AUTS2: variants seen among roughly 807,000 people sequenced by gnomAD.
The protein encoded by AUTS2 is autism susceptibility gene 2 protein.
In AUTS2, 17 loss-of-function variants were observed where a neutral mutation model predicts 112.4. That is an observed-to-expected ratio of 0.15 (90% CI 0.10 to 0.23). The LOEUF (loss-of-function observed/expected upper bound fraction) is 0.23, where lower values mean the gene tolerates loss of function less well. Among genes scored for constraint, AUTS2 ranks in the 10% least tolerant of loss-of-function variants. The pLI is 1.00. For missense variants in AUTS2, 1,510 were observed against 1,701.6 expected (o/e 0.89, Z 1.98); for synonymous variants, 751 against 702.7 (o/e 1.07, Z -1.09).
chr7:70,164,537 A>ATT (rs922569554), intron 4 of AUTS2, among the ~76,000 whole-genome samples: 1 of 152,052 alleles, frequency 6.6e-6, no homozygotes, highest in African/African-American at 2.4e-5. Context: ...GGATTAAAAA[A>ATT]TTTTTTTGAT....
At chr7:70,011,469 T>C (rs1478018251) in intron 2 of AUTS2, among the ~76,000 whole-genome samples, 2 of 152,194 alleles carry the variant, frequency 1.3e-5, no homozygotes, top group Non-Finnish European at 2.9e-5. Context: ...TGTAAGTTAC[T>C]TAGCTGTAAC....
At chr7:70,303,428 G>A (rs1048387392) in intron 4 of AUTS2, among the ~76,000 whole-genome samples, 27 of 112,918 alleles carry the variant, frequency 2.4e-4, no homozygotes, top group African/African-American at 6.5e-4. Context: ...ACACACGCGC[G>A]CGCGCGCACA....
At chr7:70,641,437 A>G (rs1015366694) in intron 5 of AUTS2, among the ~76,000 whole-genome samples, 3 of 152,128 alleles carry the variant, frequency 2.0e-5, no homozygotes, top group Non-Finnish European at 4.4e-5. Flanking sequence ...CTGTAGTCCC[A>G]GCTACTCGGG....
At chr7:70,573,772 CTT>C (rs747441710) in intron 5 of AUTS2, among the ~76,000 whole-genome samples, 13 of 140,132 alleles carry the variant, frequency 9.3e-5, no homozygotes, top group Admixed American at 1.4e-4. Flanking sequence ...GAGCAAAAAG[CTT>C]TTTTTTTTTT....
At chr7:69,925,236 A>G (rs938456195) in intron 2 of AUTS2, among the ~76,000 whole-genome samples, 2 of 151,158 alleles carry the variant, frequency 1.3e-5, no homozygotes, top group African/African-American at 2.4e-5. Context: ...ATTTTCATTG[A>G]TTTTTCTCTG....
chr7:70,448,203 G>A (rs1261822880), intron 5 of AUTS2, among the ~76,000 whole-genome samples: 4 of 152,020 alleles, frequency 2.6e-5, no homozygotes, highest in Non-Finnish European at 4.4e-5. Context: ...CCGCCTCATC[G>A]CTTTCTATTC....
In AUTS2 at chr7:69,604,225, C is replaced by T. The variant is rs1792590864; in HGVS notation, c.309+4263C>T. On this transcript the variant is annotated intron_variant, in intron 1 of 18. Coordinates refer to ENST00000342771, the MANE Select transcript of AUTS2 (RefSeq NM_015570.4). Reference sequence around the variant, plus strand: ...ACATCAGTAGCATAAGTGGGCTATACAGAATTTGGTGTACTTATAACATGC... The same window carrying T: ...ACATCAGTAGCATAAGTGGGCTATATAGAATTTGGTGTACTTATAACATGC... Among the ~76,000 whole-genome samples, 3 of 152,292 alleles carry T rather than the reference C, an allele frequency of 2.0e-5. No homozygotes were observed. The South Asian group carries it at 6.2e-4, about 32-fold the overall frequency.
chr7:69,889,031 A>C (rs545052954), intron 1 of AUTS2, among the ~76,000 whole-genome samples: 22 of 152,190 alleles, frequency 1.4e-4, no homozygotes, highest in Non-Finnish European at 2.4e-4. Flanking sequence ...GAATGAGAGG[A>C]CATTCAGGGC....
At chr7:70,583,233 A>G (rs574376388) in intron 5 of AUTS2, among the ~76,000 whole-genome samples, 2 of 152,344 alleles carry the variant, frequency 1.3e-5, no homozygotes, top group East Asian at 3.9e-4. Context: ...ACGGTAAGAT[A>G]TCCCAGAGAT....
chr7:70,789,902 G>A lies in AUTS2; in HGVS notation c.2686G>A (p.Asp896Asn). 1.2e-6 allele frequency: 2 copies of A among 1,614,110 alleles called. No homozygotes were observed. Among genetic ancestry groups the A allele is most frequent in the Non-Finnish European group, 1.7e-6 (2 of 1,180,040 alleles). The change falls in exon 19 of 19, where the codon GAC becomes AAC. Residue 896 changes from aspartate (D) to asparagine (N), a missense_variant. Physicochemically the swap from Asp to Asn is conservative, Grantham distance 23 (BLOSUM62 1). Coordinates refer to ENST00000342771, the MANE Select transcript of AUTS2 (RefSeq NM_015570.4). ...EKDKPKERER[D>N]HSESRKDLAA... ...GGACAAACCCAAAGAGAGGGAGAGAGACCACTCGGAATCCCGCAAGGACCT... is the reference window on the plus strand; with the variant it reads ...GGACAAACCCAAAGAGAGGGAGAGAAACCACTCGGAATCCCGCAAGGACCT...
At chr7:69,956,848 G>C (rs963851533) in intron 2 of AUTS2, among the ~76,000 whole-genome samples, 2 of 151,956 alleles carry the variant, frequency 1.3e-5, no homozygotes, top group African/African-American at 4.8e-5. Context: ...TTTTGGCAAA[G>C]AGAACAAGTG....
At chr7:69,837,020 A>C (rs894507321) in intron 1 of AUTS2, among the ~76,000 whole-genome samples, 6 of 152,306 alleles carry the variant, frequency 3.9e-5, no homozygotes, top group Admixed American at 3.9e-4. Context: ...TTGATTACCT[A>C]TAAGAGACCT....
chr7:70,713,164 G>C (rs537941104), intron 6 of AUTS2, among the ~76,000 whole-genome samples: 2 of 152,302 alleles, frequency 1.3e-5, no homozygotes, highest in African/African-American at 4.8e-5. Flanking sequence ...AAGACAAACT[G>C]TTCCATCGAG....
intron 1 of AUTS2, among the ~76,000 whole-genome samples, chr7:69,749,373 G>A (rs760155588): frequency 2.6e-5 from 4 of 152,086 alleles, no homozygotes; most frequent in Non-Finnish European, 4.4e-5. Flanking sequence ...TCATCTCCTC[G>A]AAAAGAAATC....
chr7:69,821,213 T>C (rs1790976487), intron 1 of AUTS2, among the ~76,000 whole-genome samples: 1 of 152,084 alleles, frequency 6.6e-6, no homozygotes. Context: ...GGAGTAGAGA[T>C]ATGAAGAAAT....
rs1459732568 is a variant in AUTS2, at chr7:70,071,710, C to A, written c.523-46422C>A. On this transcript the variant is annotated intron_variant, in intron 2 of 18. Coordinates refer to ENST00000342771, the MANE Select transcript of AUTS2 (RefSeq NM_015570.4). ...CTCCAGTCTACTGAGCTTTCACTGG[C>A]TAGCATCAATTCAGACACATTGCAA... Among the ~76,000 whole-genome samples, 3 of 152,314 alleles carry A rather than the reference C, an allele frequency of 2.0e-5. No individual in the cohort carries two copies. The East Asian group carries it at 5.8e-4, about 29-fold the overall frequency.
Position 70,221,728 on chromosome 7 carries a change from A to T in AUTS2, c.660+87157A>T, listed in dbSNP as rs575625046. On this transcript the variant is annotated intron_variant, in intron 4 of 18. Coordinates refer to ENST00000342771, the MANE Select transcript of AUTS2 (RefSeq NM_015570.4). ...ATGGCGAAACCTCGCCTCTACTAAA[A>T]ATATAAAAATTAGCCGAGCGTGGTG... Among the ~76,000 whole-genome samples the T allele has an allele frequency of 7.9e-5, 12 of 152,204 alleles. 1 individual carries two copies. Among genetic ancestry groups the T allele is most frequent in the Non-Finnish European group, 1.8e-4 (12 of 68,042 alleles).
chr7:70,595,277 A>C (rs889688703), intron 5 of AUTS2, among the ~76,000 whole-genome samples: 5 of 151,916 alleles, frequency 3.3e-5, no homozygotes, highest in Non-Finnish European at 7.4e-5. Flanking sequence ...CAGAGCGTTG[A>C]GGTGTGGTGG....
At chr7:70,080,421 G>A (rs1373007042) in intron 2 of AUTS2, among the ~76,000 whole-genome samples, 2 of 152,050 alleles carry the variant, frequency 1.3e-5, no homozygotes, top group African/African-American at 4.8e-5. Flanking sequence ...CATTCTTCAG[G>A]TACAACCATA....
Sources: allele counts gnomAD v4.1 joint callset (sites outside exome capture counted in the v4.1 genomes callset), GRCh38; gene constraint gnomAD v4.1.1; transcripts MANE v1.5; gene names NCBI Gene and HGNC (gene_info 2026-07-23, HGNC 2026-07-21).